Variants in PPP6R3 observed in about 807,000 individuals in gnomAD.
PPP6R3 encodes protein phosphatase 6 regulatory subunit 3, also known as serine/threonine-protein phosphatase 6 regulatory subunit 3.
In PPP6R3, 38 loss-of-function variants were observed where a neutral mutation model predicts 110.7. That is an observed-to-expected ratio of 0.34 (90% CI 0.26 to 0.45). The LOEUF is 0.45. PPP6R3 is among the 20% of genes least tolerant of loss of function. The pLI, the probability that PPP6R3 is intolerant of heterozygous loss-of-function variation, is 1.00. For missense variants in PPP6R3, 870 were observed against 1,062.4 expected (o/e 0.82, Z 2.52); for synonymous variants, 369 against 373.5 (o/e 0.99, Z 0.14).
rs963958117 is a variant in PPP6R3 at position 68,614,447 on chromosome 11, G to T, written c.*1330G>T. On this transcript the variant is annotated 3_prime_UTR_variant, in exon 24 of 24. Transcript: ENST00000393800. The stretch of plus-strand genomic sequence containing the variant: ...ATTTCTGTAATAGAAAATTATTCAC[G>T]TATTTTTACATCATTTGTTTTTCCT... 2.2e-6 allele frequency: 3 copies of T among 1,339,492 alleles called. No homozygotes were observed. Among genetic ancestry groups the T allele is most frequent in the Admixed American group, 3.8e-5 (1 of 26,454 alleles). The allele number at this position is 1,339,492 out of a possible 1,614,324, so 83.0% of individuals were successfully genotyped here. A position where few individuals can be genotyped will look rare whatever the true frequency, so the allele number is the denominator to read the frequency against.
At chr11:68,607,774 C>A (rs1941055022) in intron 22 of PPP6R3, among the ~76,000 whole-genome samples, 1 of 151,794 alleles carries the variant, frequency 6.6e-6, no homozygotes, top group African/African-American at 2.4e-5. Flanking sequence ...TATATCTAAT[C>A]TAGATTTTTT....
intron 1 of PPP6R3, among the ~76,000 whole-genome samples, chr11:68,486,875 A>ATAG (rs1222391669): frequency 5.9e-5 from 9 of 152,148 alleles, no homozygotes; most frequent in Non-Finnish European, 8.8e-5. Context: ...TGAGCATAGA[A>ATAG]TAGTTGATAA....
At chr11:68,504,280 T>A (rs1365904419) in intron 1 of PPP6R3, among the ~76,000 whole-genome samples, 2 of 152,146 alleles carry the variant, frequency 1.3e-5, no homozygotes, top group East Asian at 1.9e-4. Flanking sequence ...TTCATTAAAA[T>A]TTTTCAAGAT....
intron 21 of PPP6R3, 83 bp from the exon 22 acceptor site, chr11:68,603,259 T>C (rs2099637338): frequency 6.6e-7 from 1 of 1,519,760 alleles, no homozygotes. Context: ...GATGTCACGT[T>C]GGGTAGATGG....
At chr11:68,505,517 A>G (rs529642726) in intron 1 of PPP6R3, among the ~76,000 whole-genome samples, 12 of 152,056 alleles carry the variant, frequency 7.9e-5, no homozygotes, top group Admixed American at 1.3e-4. Context: ...GGGTCTTGGT[A>G]TGTGTGTGCT....
At chr11:68,568,772 AT>A (rs879311640) in intron 10 of PPP6R3, among the ~76,000 whole-genome samples, 258 of 143,788 alleles carry the variant, frequency 1.8e-3, no homozygotes, top group East Asian at 2.8e-3. Context: ...AATTCTTACA[AT>A]TTTTTTTTTT....
intron 1 of PPP6R3, 57 bp from the exon 2 acceptor site, chr11:68,519,444 T>A: frequency 7.6e-6 from 3 of 393,408 alleles, no homozygotes; most frequent in Non-Finnish European, 1.3e-5. Context: ...TAATGGCAGC[T>A]ATCATCACAC....
Position 68,467,725 on chromosome 11 carries a change from G to A in PPP6R3, c.-158+6898G>A, listed in dbSNP as rs370202535. Among the ~76,000 whole-genome samples the A allele has an allele frequency of 1.1e-3, 173 of 152,294 alleles. 7 individuals carry two copies. The South Asian group carries it at 0.033, about 29-fold the overall frequency. ...TGACAATTGACTGAGGCTTCCATTC[G>A]TGAGAATCATGGTTTTGGGCTGCAA... On this transcript the variant is annotated intron_variant, in intron 1 of 23. Coordinates refer to ENST00000393800, the MANE Select transcript of PPP6R3 (RefSeq NM_001164161.2).
intron 1 of PPP6R3, among the ~76,000 whole-genome samples, chr11:68,514,051 C>T (rs916100080): frequency 2.8e-4 from 42 of 152,270 alleles, no homozygotes; most frequent in South Asian, 1.0e-3. Context: ...CGTAGTTATA[C>T]GCATTTTAAT....
chr11:68,596,331 G>T, intron 19 of PPP6R3, 113 bp downstream of exon 19: 1 of 1,406,226 alleles, frequency 7.1e-7, no homozygotes, highest in Non-Finnish European at 9.8e-7. Flanking sequence ...GAAAGGTTGG[G>T]TTGAAGCGTG....
chr11:68,613,136 GCTGA>G lies in PPP6R3; in HGVS notation c.*24_*27del, dbSNP rs758104482. The G allele has an allele frequency of 1.2e-6, 2 of 1,613,894 alleles. No individual in the cohort carries two copies. Among genetic ancestry groups the G allele is most frequent in the South Asian group, 1.1e-5 (1 of 91,058 alleles). Reference sequence around the variant, plus strand: ...TGTATGACGGGTGACGTCTGCTGCTGCTGACTGAGGACTGCAGACCGCCACCACT... The same window carrying G: ...TGTATGACGGGTGACGTCTGCTGCTGCTGAGGACTGCAGACCGCCACCACT... On this transcript the variant is annotated 3_prime_UTR_variant, in exon 24 of 24. Transcript: ENST00000393800.
At chr11:68,582,223 T>C (rs1220423497) in intron 14 of PPP6R3, among the ~76,000 whole-genome samples, 1 of 152,336 alleles carries the variant, frequency 6.6e-6, no homozygotes, top group East Asian at 1.9e-4. Context: ...CGCAGAAATA[T>C]AGTACTTCTT....
At chr11:68,542,062 T>C (rs2099318553) in intron 3 of PPP6R3, among the ~76,000 whole-genome samples, 1 of 149,214 alleles carries the variant, frequency 6.7e-6, no homozygotes, top group Non-Finnish European at 1.5e-5. Context: ...TAAATGGAAG[T>C]GATGACCTGT....
chr11:68,584,366 C>T (rs1333684410), intron 15 of PPP6R3, among the ~76,000 whole-genome samples: 1 of 152,182 alleles, frequency 6.6e-6, no homozygotes, highest in African/African-American at 2.4e-5. Context: ...AATGGGCTCT[C>T]CCTCCACTGA....
chr11:68,543,698 C>T (rs921802710), intron 3 of PPP6R3, among the ~76,000 whole-genome samples: 1 of 152,226 alleles, frequency 6.6e-6, no homozygotes, highest in African/African-American at 2.4e-5. Context: ...TTTGAGCTTG[C>T]CACTCCTGAT....
intron 2 of PPP6R3, among the ~76,000 whole-genome samples, chr11:68,521,127 C>T (rs2099162430): frequency 6.6e-6 from 1 of 152,188 alleles, no homozygotes; most frequent in Non-Finnish European, 1.5e-5. Context: ...TGGGGCTCAG[C>T]TTTCTTCCTG....
At chr11:68,566,952 C>A in intron 9 of PPP6R3, 62 bp from the exon 10 acceptor site, 1 of 1,444,786 alleles carries the variant, frequency 6.9e-7, no homozygotes, top group Non-Finnish European at 9.3e-7. Context: ...CATGTCTTAG[C>A]AAATACACCA....
At chr11:68,578,753 A>G (rs905643393) in intron 14 of PPP6R3, among the ~76,000 whole-genome samples, 3 of 152,170 alleles carry the variant, frequency 2.0e-5, no homozygotes, top group African/African-American at 4.8e-5. Flanking sequence ...TCTCTCTGAG[A>G]TACTCGAAGT....
chr11:68,464,692 T>C (rs1001791960), intron 1 of PPP6R3, among the ~76,000 whole-genome samples: 6 of 152,176 alleles, frequency 3.9e-5, no homozygotes, highest in South Asian at 2.1e-4. Flanking sequence ...TTATAAAATA[T>C]CTTAGGACTT....
Sources: allele counts gnomAD v4.1 joint callset (sites outside exome capture counted in the v4.1 genomes callset), GRCh38; gene constraint gnomAD v4.1.1; transcripts MANE v1.5; gene names NCBI Gene and HGNC (gene_info 2026-07-23, HGNC 2026-07-21).